The following ARHGAP24 variants were observed in gnomAD, a reference collection of about 807,000 sequenced individuals.
ARHGAP24 encodes Rho GTPase activating protein 24.
ARHGAP24 carries 50 observed loss-of-function variants against 76.4 expected under a neutral mutation model. The observed-to-expected ratio is 0.65, with a 90% CI of 0.52 to 0.83. The LOEUF is 0.83. ARHGAP24 is among the 40% of genes least tolerant of loss of function. The pLI is 0.00. For synonymous variants in ARHGAP24, 345 were observed against 323.3 expected (o/e 1.07, Z -0.72); for missense variants, 930 against 914.2 (o/e 1.02, Z -0.22).
intron 3 of ARHGAP24, among the ~76,000 whole-genome samples, chr4:85,808,636 A>G (rs1728889014): frequency 6.6e-6 from 1 of 152,152 alleles, no homozygotes; most frequent in East Asian, 1.9e-4. Flanking sequence ...AAAACTATAG[A>G]GAGAAGGAAG....
intron 2 of ARHGAP24, among the ~76,000 whole-genome samples, chr4:85,709,657 T>G (rs1301644799): frequency 9.2e-5 from 14 of 152,204 alleles, no homozygotes; most frequent in Non-Finnish European, 2.9e-5. Context: ...GAAATCTCCT[T>G]CACCTGATAT....
rs889313583 is a variant in ARHGAP24 at position 85,650,428 on chromosome 4, C to A, written c.181-71457C>A. Among the ~76,000 whole-genome samples, 10 of 149,314 alleles carry A rather than the reference C, an allele frequency of 6.7e-5. 1 individual carries two copies. The highest frequency in any genetic ancestry group is 2.6e-4 in the African/African-American group (10 of 38,754). On this transcript the variant is annotated intron_variant, in intron 2 of 9. Coordinates refer to ENST00000395184, the MANE Select transcript of ARHGAP24 (RefSeq NM_001025616.3). Reference sequence around the variant, plus strand: ...TTCAGCCCTAGGTTTATCACTAACCCAATGACCTTGGCCAATAATCTTGTC... The same window carrying A: ...TTCAGCCCTAGGTTTATCACTAACCAAATGACCTTGGCCAATAATCTTGTC...
At chr4:85,494,572 C>A (rs1194496493) in intron 1 of ARHGAP24, among the ~76,000 whole-genome samples, 3 of 151,014 alleles carry the variant, frequency 2.0e-5, no homozygotes, top group East Asian at 3.9e-4. Context: ...TCTCAGCTAC[C>A]CGGGAGGCTG....
At position 85,994,643 on chromosome 4, in the gene ARHGAP24, C is replaced by G. The variant is rs1740534904; in HGVS notation, c.989C>G (p.Pro330Arg). 1 of 1,614,098 alleles carries G rather than the reference C, an allele frequency of 6.2e-7. No individual in the cohort carries two copies. The highest frequency in any genetic ancestry group is 1.1e-5 in the South Asian group (1 of 91,068). ...VMISKHDCLFPKDAELQSKPQ... is the reference protein window; with the variant it reads ...VMISKHDCLFRKDAELQSKPQ... ...ATTAGCAAACATGATTGCCTCTTTC[C>G]CAAAGATGCAGAACTACAAAGCAAG... The change falls in exon 9 of 10, where the codon CCC (proline) becomes CGC (arginine). Residue 330 changes from proline to arginine, a missense_variant. By Grantham distance (103) the Pro-to-Arg change is moderately radical (BLOSUM62 -2). Transcript: ENST00000395184.
intron 2 of ARHGAP24, among the ~76,000 whole-genome samples, chr4:85,683,436 T>C (rs534345904): frequency 1.3e-5 from 2 of 152,288 alleles, no homozygotes; most frequent in East Asian, 3.9e-4. Context: ...CCATAAACTT[T>C]GAATTGTTTG....
intron 1 of ARHGAP24, among the ~76,000 whole-genome samples, chr4:85,540,024 A>C (rs1725615895): frequency 6.6e-6 from 1 of 152,212 alleles, no homozygotes; most frequent in Admixed American, 6.5e-5. Flanking sequence ...CAGCCTAGGC[A>C]ATGGAGTAAG....
At chr4:85,841,989 C>T (rs1730617255) in intron 3 of ARHGAP24, among the ~76,000 whole-genome samples, 1 of 151,942 alleles carries the variant, frequency 6.6e-6, no homozygotes, top group Admixed American at 6.6e-5. Context: ...ACCAAAATAG[C>T]AGAAATGTGC....
At chr4:85,495,489 T>C (rs10034959) in intron 1 of ARHGAP24, among the ~76,000 whole-genome samples, 7,333 of 149,390 alleles carry the variant, frequency 0.049, 580 homozygotes, top group African/African-American at 0.17. Flanking sequence ...TAGCTGGGAC[T>C]ACAGGCGCCC....
chr4:85,860,629 C>T (rs1731838473), intron 3 of ARHGAP24, among the ~76,000 whole-genome samples: 2 of 151,954 alleles, frequency 1.3e-5, no homozygotes, highest in South Asian at 4.1e-4. Context: ...GATGGGACGA[C>T]CGTGAAATGA....
chr4:85,934,038 T>C (rs938024168), intron 4 of ARHGAP24, among the ~76,000 whole-genome samples: 5 of 152,196 alleles, frequency 3.3e-5, no homozygotes, highest in Non-Finnish European at 5.9e-5. Context: ...TACTTTAACC[T>C]AAGTAGTGGC....
At chr4:85,763,771 G>A (rs985490348) in intron 3 of ARHGAP24, among the ~76,000 whole-genome samples, 1 of 152,094 alleles carries the variant, frequency 6.6e-6, no homozygotes, top group Non-Finnish European at 1.5e-5. Flanking sequence ...TGGAGTAACA[G>A]TCTTGAGTTT....
At chr4:85,529,878 C>T (rs974940594) in intron 1 of ARHGAP24, among the ~76,000 whole-genome samples, 2 of 151,600 alleles carry the variant, frequency 1.3e-5, no homozygotes, top group African/African-American at 2.4e-5. Context: ...TTTCTGTATT[C>T]AACCATGCAA....
At chr4:85,959,512 C>CA (rs1280574642) in intron 5 of ARHGAP24, among the ~76,000 whole-genome samples, 1 of 152,286 alleles carries the variant, frequency 6.6e-6, no homozygotes, top group East Asian at 1.9e-4. Context: ...CTGACACATC[C>CA]ATGTCATAAC....
intron 5 of ARHGAP24, among the ~76,000 whole-genome samples, chr4:85,960,603 G>C (rs945378115): frequency 2.0e-5 from 3 of 152,034 alleles, no homozygotes; most frequent in Non-Finnish European, 2.9e-5. Flanking sequence ...GTCAACACTA[G>C]GAGTGTATTT....
At chr4:85,540,569 A>G (rs527393658) in intron 1 of ARHGAP24, among the ~76,000 whole-genome samples, 2 of 152,326 alleles carry the variant, frequency 1.3e-5, no homozygotes, top group South Asian at 4.1e-4. Context: ...CAGTTTATGT[A>G]TACATTAAGT....
At chr4:85,985,993 A>C (rs346472) in intron 8 of ARHGAP24, among the ~76,000 whole-genome samples, 99,855 of 151,866 alleles carry the variant, frequency 0.66, 34,151 homozygotes, top group African/African-American at 0.84. Context: ...TTTTTATTTT[A>C]TTTTCTTATT....
At chr4:85,980,586 T>C (rs187370182) in intron 8 of ARHGAP24, among the ~76,000 whole-genome samples, 121 of 152,334 alleles carry the variant, frequency 7.9e-4, no homozygotes, top group Admixed American at 9.8e-4. Context: ...CTATATGCTT[T>C]CAGAATATAT....
chr4:85,861,120 A>G (rs765737124), intron 3 of ARHGAP24, among the ~76,000 whole-genome samples: 2 of 152,120 alleles, frequency 1.3e-5, no homozygotes, highest in East Asian at 1.9e-4. Flanking sequence ...AGAATTGCCT[A>G]TAGCCAGATA....
chr4:85,521,953 C>A (rs1394026065), intron 1 of ARHGAP24, among the ~76,000 whole-genome samples: 1 of 152,138 alleles, frequency 6.6e-6, no homozygotes, highest in East Asian at 1.9e-4. Flanking sequence ...TTATTAAGAT[C>A]TCATTCTTTA....
Sources: allele counts gnomAD v4.1 joint callset (sites outside exome capture counted in the v4.1 genomes callset), GRCh38; gene constraint gnomAD v4.1.1; transcripts MANE v1.5; gene names NCBI Gene and HGNC (gene_info 2026-07-23, HGNC 2026-07-21).